Variants in TLN2 observed in about 807,000 individuals in gnomAD.
TLN2 encodes the protein talin-2.
In TLN2, 118 loss-of-function variants were observed where a neutral mutation model predicts 294.7. That is an observed-to-expected ratio of 0.40 (90% CI 0.34 to 0.47). The LOEUF (loss-of-function observed/expected upper bound fraction) is 0.47. Among genes scored for constraint, TLN2 ranks in the 20% least tolerant of loss-of-function variants. The pLI is 0.84. For missense variants in TLN2, 3,083 were observed against 3,282.2 expected (o/e 0.94, Z 1.48); for synonymous variants, 1,431 against 1,304.5 (o/e 1.10, Z -2.09).
At chr15:62,399,727 G>A (rs112264947) in intron 1 of TLN2, among the ~76,000 whole-genome samples, 2 of 152,314 alleles carry the variant, frequency 1.3e-5, no homozygotes, top group African/African-American at 2.4e-5. Flanking sequence ...CTTTATTTTG[G>A]CCAATTTCTC....
intron 2 of TLN2, among the ~76,000 whole-genome samples, chr15:62,609,611 C>G (rs185295907): frequency 6.6e-6 from 1 of 152,116 alleles, no homozygotes; most frequent in Non-Finnish European, 1.5e-5. Flanking sequence ...TCAGCTGATG[C>G]GTCGTTGGCG....
rs569421793 is a variant in TLN2, at chr15:62,738,300, C to T, written c.3654C>T (p.Ile1218=). ...QKDVDVALKS[I]GESSKKLLVD... ...ATGTGGACGTGGCCTTGAAGAGCAT[C>T]GGGGAGTCCAGCAAGAAGCTGCTTG... Residue 1218 remains isoleucine, a synonymous_variant, in exon 30 of 59, where the codon ATC becomes ATT. Transcript: ENST00000636159. 3.7e-5 allele frequency: 59 copies of T among 1,614,098 alleles called. No individual in the cohort carries two copies. The East Asian group carries it at 5.3e-4, about 15-fold the overall frequency.
intron 19 of TLN2, among the ~76,000 whole-genome samples, chr15:62,706,503 A>G (rs1175863778): frequency 6.6e-6 from 1 of 152,228 alleles, no homozygotes; most frequent in Non-Finnish European, 1.5e-5. Flanking sequence ...TGTTCAGAGC[A>G]TTTCTTGGCT....
At chr15:62,726,676 C>A (rs1347339875) in intron 27 of TLN2, among the ~76,000 whole-genome samples, 8 of 152,208 alleles carry the variant, frequency 5.3e-5, no homozygotes, top group Non-Finnish European at 1.0e-4. Context: ...TCCTGCCCAG[C>A]CATAATTAAT....
intron 2 of TLN2, among the ~76,000 whole-genome samples, chr15:62,597,707 T>C (rs1294408602): frequency 5.3e-5 from 8 of 152,214 alleles, no homozygotes; most frequent in Non-Finnish European, 1.2e-4. Flanking sequence ...TTTCATTTTT[T>C]TTTCCAGATT....
At chr15:62,494,735 A>G (rs2140416294) in intron 1 of TLN2, among the ~76,000 whole-genome samples, 1 of 152,250 alleles carries the variant, frequency 6.6e-6, no homozygotes, top group East Asian at 1.9e-4. Flanking sequence ...AGAGGAAAAA[A>G]AAGACATTTA....
At chr15:62,764,635 C>G (rs1056346555) in intron 40 of TLN2, among the ~76,000 whole-genome samples, 8 of 152,052 alleles carry the variant, frequency 5.3e-5, no homozygotes, top group African/African-American at 1.9e-4. Context: ...ACTGAACAGG[C>G]CTTTCAACCG....
chr15:62,490,192 T>C (rs2038632415), intron 1 of TLN2, among the ~76,000 whole-genome samples: 1 of 152,244 alleles, frequency 6.6e-6, no homozygotes, highest in Non-Finnish European at 1.5e-5. Context: ...TTTAAAGTGA[T>C]AGCTAACATC....
intron 1 of TLN2, among the ~76,000 whole-genome samples, chr15:62,546,429 T>G (rs556175578): frequency 6.6e-6 from 1 of 152,354 alleles, no homozygotes; most frequent in Admixed American, 6.5e-5. Context: ...TTCAGCCTTT[T>G]GCTTGTGCTG....
At chr15:62,632,088 T>G (rs769927497) in intron 3 of TLN2, among the ~76,000 whole-genome samples, 73 of 152,300 alleles carry the variant, frequency 4.8e-4, no homozygotes, top group Middle Eastern at 6.8e-3. Context: ...CCCGAATCTT[T>G]CATACAAACT....
chr15:62,810,060 G>T, intron 52 of TLN2, 28 bp downstream of exon 52: 2 of 1,579,800 alleles, frequency 1.3e-6, no homozygotes, highest in Non-Finnish European at 1.7e-6. Flanking sequence ...TCAGGGCTGG[G>T]GAGTAGCTGT....
In TLN2 at chr15:62,705,028, C is replaced by G. The variant is rs921939020; in HGVS notation, c.2005-2058C>G. 4.6e-5 allele frequency among the ~76,000 whole-genome samples: 7 copies of G among 152,240 alleles called. No homozygotes were observed. In the East Asian group the frequency reaches 1.3e-3, roughly 29 times the overall value. ...AAGTCACAATTCTTCCTTTAAACAT[C>G]CCATGCAACCTTGTATTTTTTAAAA... On this transcript the variant is annotated intron_variant, in intron 19 of 58. Coordinates refer to ENST00000636159, the MANE Select transcript of TLN2 (RefSeq NM_015059.3).
At chr15:62,580,737 C>T (rs913189592) in intron 1 of TLN2, among the ~76,000 whole-genome samples, 1 of 152,024 alleles carries the variant, frequency 6.6e-6, no homozygotes, top group African/African-American at 2.4e-5. Context: ...GTTGCACGTT[C>T]TTTTGATTTG....
At chr15:62,708,007 C>A (rs994322230) in intron 20 of TLN2, among the ~76,000 whole-genome samples, 3 of 151,996 alleles carry the variant, frequency 2.0e-5, no homozygotes, top group African/African-American at 7.3e-5. Flanking sequence ...GCATCGTCTC[C>A]CTCAAGCTTT....
At chr15:62,719,921 C>A in intron 25 of TLN2, 41 bp downstream of exon 25, 1 of 1,472,310 alleles carries the variant, frequency 6.8e-7, no homozygotes, top group South Asian at 1.3e-5. Flanking sequence ...TCAGAGCCCT[C>A]TTCTGGGCAG....
intron 39 of TLN2, 142 bp downstream of exon 39, chr15:62,762,595 G>C (rs774068008): frequency 1.1e-5 from 10 of 901,988 alleles, no homozygotes; most frequent in Non-Finnish European, 1.7e-5. Flanking sequence ...GGAAGCACTG[G>C]TCACAATAGT....
At chr15:62,602,924 G>A (rs1005621532) in intron 2 of TLN2, among the ~76,000 whole-genome samples, 1 of 147,930 alleles carries the variant, frequency 6.8e-6, no homozygotes, top group Non-Finnish European at 1.5e-5. Flanking sequence ...ACTGAGTCTC[G>A]CTCTGTTGCC....
chr15:62,653,937 C>G (rs1235743130), intron 7 of TLN2, among the ~76,000 whole-genome samples: 1 of 151,986 alleles, frequency 6.6e-6, no homozygotes, highest in Middle Eastern at 3.2e-3. Context: ...CTTTCCATCT[C>G]TTTTTTTGAC....
intron 1 of TLN2, among the ~76,000 whole-genome samples, chr15:62,511,834 C>T (rs1262150083): frequency 6.6e-6 from 1 of 152,090 alleles, no homozygotes; most frequent in Non-Finnish European, 1.5e-5. Context: ...AATTTCTTGC[C>T]TTTAGTTAAA....
Sources: gnomAD v4.1 joint callset for allele counts (sites outside exome capture counted in the v4.1 genomes callset) on GRCh38, gnomAD v4.1.1 for gene constraint, MANE v1.5 for transcripts, NCBI Gene and HGNC (gene_info 2026-07-23, HGNC 2026-07-21) for gene names.